The following CCDC3 variants were observed in gnomAD, a reference collection of about 807,000 sequenced individuals.
CCDC3 encodes coiled-coil domain-containing protein 3.
CCDC3 carries 24 observed loss-of-function variants against 21.4 expected under a neutral mutation model. That is an observed-to-expected ratio of 1.12 (90% CI 0.81 to 1.58). The LOEUF is 1.58. Ranked by LOEUF, CCDC3 falls within the 40% of genes most tolerant of loss-of-function variation. The probability of loss-of-function intolerance (pLI) is 0.00; values close to 1 mark genes in which losing one functional copy is unlikely to be tolerated. For missense variants in CCDC3, 425 were observed against 360.9 expected, an observed-to-expected ratio of 1.18 and a Z score of -1.44; for synonymous variants, 186 against 166.0, an observed-to-expected ratio of 1.12 and a Z score of -0.93.
At chr10:12,991,280 T>C (rs571196094) in intron 2 of CCDC3, among the ~76,000 whole-genome samples, 17 of 152,272 alleles carry the variant, frequency 1.1e-4, no homozygotes, top group South Asian at 4.2e-4. Context: ...GTGCTATATA[T>C]TCCACCAAAG....
At chr10:13,094,657 A>G (rs1451458917) in intron 3 of CCDC3, among the ~76,000 whole-genome samples, 3 of 151,860 alleles carry the variant, frequency 2.0e-5, no homozygotes, top group African/African-American at 7.3e-5. Context: ...TGAGGTCATG[A>G]GTTTAAGACC....
rs1361095860 is a variant in CCDC3 at position 12,976,056 on chromosome 10, C to T, written c.549+22282G>A. Among the ~76,000 whole-genome samples, 16 of 152,298 alleles carry T rather than the reference C, an allele frequency of 1.1e-4. No individual in the cohort carries two copies. The East Asian group carries it at 1.2e-3, about 11-fold the overall frequency. On this transcript the variant is annotated intron_variant, in intron 2 of 2. Transcript: ENST00000378825. ...TCCTGATCGGACCCACACATTGGAG[C>T]GATGCCATCTCTACCAGCTCACACC...
chr10:13,078,920 T>G (rs529139923), intron 3 of CCDC3, among the ~76,000 whole-genome samples: 1 of 151,930 alleles, frequency 6.6e-6, no homozygotes, highest in Non-Finnish European at 1.5e-5. Context: ...AAATGACGAG[T>G]TAATGGGTGC....
chr10:13,049,730 G>A (rs1254084239), exon 5 of CCDC3: 1 of 152,156 alleles, frequency 6.6e-6, no homozygotes, highest in Non-Finnish European at 1.5e-5. Context: ...TCGCTCTCCA[G>A]GTCACAGAGA....
chr10:13,008,528 T>C (rs187948882), intron 5 of CCDC3, among the ~76,000 whole-genome samples: 19 of 152,190 alleles, frequency 1.2e-4, no homozygotes, highest in African/African-American at 4.6e-4. Context: ...AGCAAATCTA[T>C]TAAGGAGGAT....
chr10:13,046,788 G>C (rs1029427200), intron 5 of CCDC3, among the ~76,000 whole-genome samples: 1 of 151,914 alleles, frequency 6.6e-6, no homozygotes, highest in African/African-American at 2.4e-5. Flanking sequence ...TATTACTCAA[G>C]CTCCTTCAGA....
rs575269049 is a variant in CCDC3, at chr10:13,012,299, T to G, written c.-1-13787A>C. On this transcript the variant is annotated intron_variant, in intron 5 of 6. Coordinates refer to the CCDC3 transcript ENST00000378839. ...AAATATTCACAAACTATACATCTAA[T>G]AAAGGTCTAATATCCAGAATCTACA... is the stretch of plus-strand genomic sequence containing the variant. Among the ~76,000 whole-genome samples the G allele has an allele frequency of 3.4e-4, 52 of 152,144 alleles. 1 individual carries two copies. Among genetic ancestry groups the G allele is most frequent in the African/African-American group, 1.3e-3 (52 of 41,512 alleles).
chr10:12,965,303 G>A (rs1456982735), intron 2 of CCDC3, among the ~76,000 whole-genome samples: 1 of 152,010 alleles, frequency 6.6e-6, no homozygotes, highest in Non-Finnish European at 1.5e-5. Context: ...CTTTTATCCT[G>A]TTAATCTGCC....
Position 13,071,031 on chromosome 10 carries a change from TCTC to T in CCDC3, c.-270+2834_-270+2836del, listed in dbSNP as rs201043496. 6.8e-3 allele frequency among the ~76,000 whole-genome samples: 1,036 copies of T among 152,232 alleles called. 12 individuals carry two copies. Among genetic ancestry groups the T allele is most frequent in the African/African-American group, 0.024 (991 of 41,532 alleles). ...GTGACGTAAAAATCTGGATCAGTAT[TCTC>T]CTTCTGAGCAGTTATCCTGCAAATC... On this transcript the variant is annotated intron_variant, in intron 4 of 6. Coordinates refer to the CCDC3 transcript ENST00000378839.
At chr10:12,955,462 G>T (rs1835068821) in intron 2 of CCDC3, among the ~76,000 whole-genome samples, 1 of 152,198 alleles carries the variant, frequency 6.6e-6, no homozygotes. Context: ...TTATTATGGG[G>T]CAAGGTGTTG....
At chr10:13,028,611 A>G (rs774231248) in intron 5 of CCDC3, among the ~76,000 whole-genome samples, 4 of 152,154 alleles carry the variant, frequency 2.6e-5, no homozygotes, top group Non-Finnish European at 5.9e-5. Flanking sequence ...AGGGATTTAA[A>G]TGGATTGTCC....
At chr10:12,910,611 A>AAT (rs1554753179) in intron 2 of CCDC3, among the ~76,000 whole-genome samples, 2,864 of 105,156 alleles carry the variant, frequency 0.027, 148 homozygotes, top group African/African-American at 0.092. Context: ...AAAAAAAAAA[A>AAT]TTTTTTTTTT....
intron 4 of CCDC3, among the ~76,000 whole-genome samples, chr10:13,055,055 G>A (rs1394378968): frequency 6.6e-6 from 1 of 152,194 alleles, no homozygotes; most frequent in Non-Finnish European, 1.5e-5. Context: ...GGTTATGCAG[G>A]CAGCTGCAAA....
intron 2 of CCDC3, 99 bp from the exon 3 acceptor site, chr10:12,898,778 A>G: frequency 7.2e-7 from 1 of 1,398,430 alleles, no homozygotes; most frequent in African/African-American, 1.4e-5. Context: ...TGACAGCAAC[A>G]CAGACCCCGA....
intron 2 of CCDC3, among the ~76,000 whole-genome samples, chr10:12,992,926 G>T (rs1398113050): frequency 6.6e-6 from 1 of 152,328 alleles, no homozygotes; most frequent in East Asian, 1.9e-4. Flanking sequence ...CCACGTGAGT[G>T]TGTTATCTGT....
intron 5 of CCDC3, among the ~76,000 whole-genome samples, chr10:13,036,039 G>C (rs375794396): frequency 1.3e-5 from 2 of 152,302 alleles, no homozygotes; most frequent in African/African-American, 4.8e-5. Flanking sequence ...GGCTACTCAG[G>C]AGGCTGAGGC....
chr10:13,039,096 T>G (rs142220444), intron 5 of CCDC3, among the ~76,000 whole-genome samples: 13 of 152,330 alleles, frequency 8.5e-5, no homozygotes, highest in African/African-American at 3.1e-4. Context: ...CTGGCAGGGT[T>G]GTGGTCATCT....
At chr10:13,085,058 C>A (rs1837086572) in intron 3 of CCDC3, among the ~76,000 whole-genome samples, 1 of 152,194 alleles carries the variant, frequency 6.6e-6, no homozygotes, top group Non-Finnish European at 1.5e-5. Flanking sequence ...CTGAGGCCCC[C>A]TGAAGATCCT....
At chr10:13,090,091 C>CTT (rs1231936142) in intron 3 of CCDC3, among the ~76,000 whole-genome samples, 3,214 of 106,276 alleles carry the variant, frequency 0.03, 192 homozygotes, top group East Asian at 0.16. Context: ...CCGTTTCTTT[C>CTT]TTTTTTTTTT....
Sources: gnomAD v4.1 joint callset for allele counts (sites outside exome capture counted in the v4.1 genomes callset) on GRCh38, gnomAD v4.1.1 for gene constraint, MANE v1.5 for transcripts, NCBI Gene and HGNC (gene_info 2026-07-23, HGNC 2026-07-21) for gene names.